PAXBP1: variants seen among roughly 807,000 people sequenced by gnomAD.
PAXBP1 encodes PAX3 and PAX7 binding protein 1.
In PAXBP1, 44 loss-of-function variants were observed where a neutral mutation model predicts 119.9. That is an observed-to-expected ratio of 0.37 (90% CI 0.29 to 0.47). PAXBP1 has a LOEUF of 0.47. PAXBP1 is among the 20% of genes least tolerant of loss of function. PAXBP1 has a pLI of 0.99. For missense variants in PAXBP1, 898 were observed against 1,134.1 expected, an observed-to-expected ratio of 0.79 and a Z score of 2.99; for synonymous variants, 393 against 406.6, an observed-to-expected ratio of 0.97 and a Z score of 0.40.
Position 32,759,121 on chromosome 21 carries a change from G to T in PAXBP1, c.1342C>A (p.Arg448=). The change falls in exon 7 of 18, where the codon CGA becomes AGA. Residue 448 remains arginine, a synonymous_variant. Coordinates refer to ENST00000331923, the MANE Select transcript of PAXBP1 (RefSeq NM_016631.4). ...TCAAGCAAGTCTTGGACATACCCTC[G>T]CATTTCTTGCAAAAATTTATACCGT... is the stretch of plus-strand genomic sequence containing the variant. ...GERYKFLQEM[R]GYVQDLLECF... 6.2e-7 allele frequency: 1 copy of T among 1,613,770 alleles called. No individual in the cohort carries two copies. The highest frequency in any genetic ancestry group is 1.1e-5 in the South Asian group (1 of 91,054).
chr21:32,750,492 C>G (rs183784274), intron 10 of PAXBP1, among the ~76,000 whole-genome samples: 1 of 152,256 alleles, frequency 6.6e-6, no homozygotes, highest in Admixed American at 6.5e-5. Context: ...TCTGAAAATG[C>G]CTGGCACATA....
At chr21:32,744,972 C>T in intron 12 of PAXBP1, 59 bp from the exon 13 acceptor site, 2 of 1,535,438 alleles carry the variant, frequency 1.3e-6, no homozygotes, top group Non-Finnish European at 1.8e-6. Flanking sequence ...AATTTTTTGT[C>T]AAGCAGACCT....
intron 10 of PAXBP1, among the ~76,000 whole-genome samples, chr21:32,750,207 A>G (rs985660642): frequency 1.3e-5 from 2 of 152,210 alleles, no homozygotes; most frequent in Non-Finnish European, 2.9e-5. Flanking sequence ...AAGAGCCATG[A>G]GGTCTGTAAG....
At chr21:32,742,059 A>C (rs1017348183) in intron 15 of PAXBP1, among the ~76,000 whole-genome samples, 36 of 152,204 alleles carry the variant, frequency 2.4e-4, no homozygotes, top group African/African-American at 8.0e-4. Context: ...TTCATAGGAC[A>C]TAGACTGGGA....
At position 32,762,237 on chromosome 21, in the gene PAXBP1, G is replaced by A. The variant is rs755574140; in HGVS notation, c.730C>T (p.His244Tyr). 5.6e-6 allele frequency: 9 copies of A among 1,614,010 alleles called. No individual in the cohort carries two copies. Among genetic ancestry groups the A allele is most frequent in the South Asian group, 1.1e-5 (1 of 91,074 alleles). ...CGGCCTTTACCAGGCTCATTATCATGAGGAGTGAAATCTCCCAATTCTCGG... is the reference window on the plus strand; with the variant it reads ...CGGCCTTTACCAGGCTCATTATCATAAGGAGTGAAATCTCCCAATTCTCGG... ...MARELGDFTP[H>Y]DNEPGKGRLV... Residue 244 changes from histidine to tyrosine, a missense_variant, in exon 4 of 18, where the codon CAT (histidine) becomes TAT (tyrosine). Transcript: ENST00000331923.
chr21:32,736,493 C>G (rs556215521), intron 17 of PAXBP1, among the ~76,000 whole-genome samples: 371 of 152,082 alleles, frequency 2.4e-3, no homozygotes, highest in Non-Finnish European at 3.1e-3. Context: ...GGCCTAAAAT[C>G]TTTAATAGCT....
At chr21:32,768,660 C>T (rs958517605) in intron 2 of PAXBP1, among the ~76,000 whole-genome samples, 16 of 152,206 alleles carry the variant, frequency 1.1e-4, no homozygotes, top group African/African-American at 3.9e-4. Flanking sequence ...TCCAATCTCT[C>T]CTCATGCTGC....
At chr21:32,757,523 A>C (rs547012324) in intron 7 of PAXBP1, among the ~76,000 whole-genome samples, 31 of 152,336 alleles carry the variant, frequency 2.0e-4, no homozygotes, top group African/African-American at 7.5e-4. Context: ...TTCTCTAGGA[A>C]CAAGGTAATC....
At chr21:32,753,927 A>G (rs2044002591) in intron 8 of PAXBP1, among the ~76,000 whole-genome samples, 1 of 152,222 alleles carries the variant, frequency 6.6e-6, no homozygotes, top group East Asian at 1.9e-4. Flanking sequence ...TTTGTAGTAT[A>G]ATGGTTACCT....
chr21:32,741,670 C>A, intron 15 of PAXBP1: 1 of 650,584 alleles, frequency 1.5e-6, no homozygotes, highest in Non-Finnish European at 2.8e-6. Context: ...AGTTTTTACA[C>A]AGAAAGGCAG....
At chr21:32,759,646 T>A in intron 6 of PAXBP1, 131 bp downstream of exon 6, 1 of 791,952 alleles carries the variant, frequency 1.3e-6, no homozygotes, top group Non-Finnish European at 2.1e-6. Context: ...GAAGTCATCT[T>A]CTGTTTAGCT....
At chr21:32,763,302 C>T (rs1220906922) in intron 3 of PAXBP1, among the ~76,000 whole-genome samples, 4 of 152,128 alleles carry the variant, frequency 2.6e-5, no homozygotes, top group Non-Finnish European at 5.9e-5. Context: ...AAACCTTTCC[C>T]CTCCTGCTAG....
At chr21:32,755,454 A>G in intron 7 of PAXBP1, 101 bp from the exon 8 acceptor site, 1 of 1,456,864 alleles carries the variant, frequency 6.9e-7, no homozygotes, top group Non-Finnish European at 9.3e-7. Context: ...TACCCTCTCT[A>G]TGGACAGAAT....
intron 15 of PAXBP1, among the ~76,000 whole-genome samples, chr21:32,739,554 A>AC (rs1424642000): frequency 3.9e-5 from 6 of 152,136 alleles, no homozygotes; most frequent in Admixed American, 3.3e-4. Flanking sequence ...ATCCATACCT[A>AC]CTTCAATCTA....
chr21:32,761,214 G>T, intron 4 of PAXBP1, 52 bp from the exon 5 acceptor site: 1 of 1,368,252 alleles, frequency 7.3e-7, no homozygotes. Flanking sequence ...GAGCAAAGAG[G>T]TAAAAGATGC....
At chr21:32,752,725 C>T (rs367859886) in intron 8 of PAXBP1, among the ~76,000 whole-genome samples, 15 of 152,114 alleles carry the variant, frequency 9.9e-5, no homozygotes, top group East Asian at 1.9e-4. Context: ...CTGCAACCTC[C>T]GCCGCCCAGG....
Position 32,734,879 on chromosome 21 carries a change from A to G in PAXBP1, c.*71T>C. ...GAATTGCTATTTTACAGTTTAAGAAACTTTACATATATACAAAATTTACAC... is the reference window on the plus strand; with the variant it reads ...GAATTGCTATTTTACAGTTTAAGAAGCTTTACATATATACAAAATTTACAC... On this transcript the variant is annotated 3_prime_UTR_variant, in exon 18 of 18. Coordinates refer to ENST00000331923, the MANE Select transcript of PAXBP1 (RefSeq NM_016631.4). 8.8e-7 allele frequency: 1 copy of G among 1,131,152 alleles called. No homozygotes were observed. Among genetic ancestry groups the G allele is most frequent in the Non-Finnish European group, 1.3e-6 (1 of 746,234 alleles). 70.1% of individuals were successfully genotyped at this position (1,131,152 alleles called of 1,614,324 possible).
intron 12 of PAXBP1, 41 bp downstream of exon 12, chr21:32,745,533 C>T: frequency 6.2e-7 from 1 of 1,606,064 alleles, no homozygotes; most frequent in Non-Finnish European, 8.5e-7. Context: ...TTGAGAAAGC[C>T]AGTGTGTCTG....
At chr21:32,743,585 G>A in intron 14 of PAXBP1, 93 bp downstream of exon 14, 2 of 957,708 alleles carry the variant, frequency 2.1e-6, no homozygotes, top group Non-Finnish European at 3.3e-6. Flanking sequence ...CATGGGTGAA[G>A]TTTGTATTTC....
Sources: gnomAD v4.1 joint callset for allele counts (sites outside exome capture counted in the v4.1 genomes callset) on GRCh38, gnomAD v4.1.1 for gene constraint, MANE v1.5 for transcripts, NCBI Gene and HGNC (gene_info 2026-07-23, HGNC 2026-07-21) for gene names.